TTC19: variants seen among roughly 807,000 people sequenced by gnomAD.
TTC19 encodes tetratricopeptide repeat domain 19, also known as tetratricopeptide repeat protein 19, mitochondrial.
Under a neutral mutation model 49.5 loss-of-function variants are expected in TTC19, and 38 were observed. The observed-to-expected ratio is 0.77, with a 90% CI of 0.59 to 1.01. The LOEUF (loss-of-function observed/expected upper bound fraction) is 1.01, where lower values mean the gene tolerates loss of function less well. Among genes scored for constraint, TTC19 ranks in the 50% least tolerant of loss-of-function variants. TTC19 has a pLI of 0.00. For synonymous variants in TTC19, 204 were observed against 185.2 expected, an observed-to-expected ratio of 1.10 and a Z score of -0.83; for missense variants, 475 against 477.7, an observed-to-expected ratio of 0.99 and a Z score of 0.05.
chr17:16,018,545 C>T (rs932466717), intron 7 of TTC19, among the ~76,000 whole-genome samples: 1 of 152,086 alleles, frequency 6.6e-6, no homozygotes, highest in African/African-American at 2.4e-5. Context: ...CTCACTGTGT[C>T]GCCCAGGCTG....
chr17:16,022,094 G>A (rs1038305324), intron 7 of TTC19, among the ~76,000 whole-genome samples: 3 of 147,296 alleles, frequency 2.0e-5, no homozygotes, highest in African/African-American at 8.1e-5. Context: ...CTGGGGTTGT[G>A]GTCCTAATGG....
intron 7 of TTC19, among the ~76,000 whole-genome samples, chr17:16,022,510 A>G (rs1189805416): frequency 1.3e-5 from 2 of 152,198 alleles, no homozygotes; most frequent in Admixed American, 6.5e-5. Flanking sequence ...TCTAGTTTCA[A>G]AGACCCTTGT....
rs59177775 is a variant in TTC19 at position 16,028,818 on chromosome 17, CAAAAAAAAA to C, written c.*1316_*1324del. On this transcript the variant is annotated 3_prime_UTR_variant, in exon 10 of 10. Coordinates refer to ENST00000261647, the MANE Select transcript of TTC19 (RefSeq NM_017775.4). ...GTATCCCAGTAATCTTTGCATTTCT[CAAAAAAAAA>C]AAAAAAAAAAAAAAAAAAACTTTCT... is the stretch of plus-strand genomic sequence containing the variant. 697 of 98,852 alleles carry C rather than the reference CAAAAAAAAA, an allele frequency of 7.1e-3. No homozygotes were observed. The highest frequency in any genetic ancestry group is 0.013 in the Middle Eastern group (3 of 230). The allele number at this position is 98,852 out of a possible 1,614,324, so 6.1% of individuals were successfully genotyped here. A position where few individuals can be genotyped will look rare whatever the true frequency, so the allele number is the denominator to read the frequency against.
chr17:16,038,771 C>G (rs8080221), intron 2 of TTC19, among the ~76,000 whole-genome samples: 96,754 of 151,716 alleles, frequency 0.64, 32,320 homozygotes, highest in African/African-American at 0.84. Flanking sequence ...TTGTGTGTGT[C>G]TGTGTATGTA....
chr17:16,002,760 TAAACTG>T, intron 3 of TTC19, 27 bp from the exon 4 acceptor site: 1 of 1,610,254 alleles, frequency 6.2e-7, no homozygotes, highest in Non-Finnish European at 8.5e-7. Context: ...CACAGTATTC[TAAACTG>T]AAAAACAATT....
At chr17:16,022,075 A>G (rs1475049765) in intron 7 of TTC19, among the ~76,000 whole-genome samples, 1 of 131,180 alleles carries the variant, frequency 7.6e-6, no homozygotes, top group South Asian at 2.4e-4. Flanking sequence ...TTTCACATAC[A>G]TGCTTTTCCT....
rs930735706 is a variant in TTC19, at chr17:16,027,806, G to A, written c.*284G>A. 1 of 517,446 alleles carries A rather than the reference G, an allele frequency of 1.9e-6. No individual in the cohort carries two copies. The highest frequency in any genetic ancestry group is 4.7e-5 in the East Asian group (1 of 21,276). 32.1% of individuals were successfully genotyped at this position (517,446 alleles called of 1,614,324 possible). On this transcript the variant is annotated 3_prime_UTR_variant, in exon 10 of 10. Coordinates refer to ENST00000261647, the MANE Select transcript of TTC19 (RefSeq NM_017775.4). ...TGTCCCTGCTGGTCTAAGTAGAACT[G>A]TAGATTCATATGGGCTGGTGTTCCT...
At chr17:16,022,229 TCA>T (rs1476174480) in intron 7 of TTC19, among the ~76,000 whole-genome samples, 5 of 152,230 alleles carry the variant, frequency 3.3e-5, no homozygotes, top group Admixed American at 6.5e-5. Flanking sequence ...CTGTGTCAAC[TCA>T]CAGACTCTCC....
chr17:16,000,435 G>T, intron 2 of TTC19, 190 bp downstream of exon 2: 1 of 1,440,574 alleles, frequency 6.9e-7, no homozygotes, highest in Non-Finnish European at 9.1e-7. Context: ...CGACTCTAAG[G>T]CCTGCAGTAA....
chr17:16,021,498 T>C (rs1417077106), intron 7 of TTC19, among the ~76,000 whole-genome samples: 1 of 152,222 alleles, frequency 6.6e-6, no homozygotes, highest in Non-Finnish European at 1.5e-5. Context: ...CAAAGTGCTA[T>C]GTAGATATTT....
chr17:16,032,398 C>T (rs571237971), downstream of TTC19: 15 of 1,614,098 alleles, frequency 9.3e-6, no homozygotes, highest in South Asian at 6.6e-5. Context: ...CTTGGTTCAC[C>T]GCAGAGGGAG....
At position 16,028,921 on chromosome 17, in the gene TTC19, G is replaced by T. The variant is rs1291604692; in HGVS notation, c.*1399G>T. ...GGGATTAGACTAAAACTAGAGTTTT[G>T]TATGTTGCAGATGTAAATTTCTTCC... On this transcript the variant is annotated 3_prime_UTR_variant, in exon 10 of 10. Coordinates refer to ENST00000261647, the MANE Select transcript of TTC19 (RefSeq NM_017775.4). The T allele has an allele frequency of 2.4e-6, 1 of 417,978 alleles. No individual in the cohort carries two copies. The highest frequency in any genetic ancestry group is 2.9e-5 in the Admixed American group (1 of 34,222). The allele number at this position is 417,978 out of a possible 1,614,324, so 25.9% of individuals were successfully genotyped here.
rs1400025980 is a variant in TTC19 at position 16,029,016 on chromosome 17, T to C, written c.*1494T>C. ...GTTTACCAAGTCTAGCTCAGAGAGA[T>C]AAGATACAATATAAATCAGACTGTT... On this transcript the variant is annotated 3_prime_UTR_variant, in exon 10 of 10. Transcript: ENST00000261647. 2.2e-6 allele frequency: 1 copy of C among 444,610 alleles called. No individual in the cohort carries two copies. The highest frequency in any genetic ancestry group is 4.5e-6 in the Non-Finnish European group (1 of 223,814). 27.5% of individuals were successfully genotyped at this position (444,610 alleles called of 1,614,324 possible).
At chr17:16,008,874 T>A (rs1018574175) in intron 7 of TTC19, among the ~76,000 whole-genome samples, 1 of 152,166 alleles carries the variant, frequency 6.6e-6, no homozygotes, top group Non-Finnish European at 1.5e-5. Flanking sequence ...ATTGCTCTAC[T>A]CCTCTTTCCT....
In TTC19 at chr17:16,022,030, GT is replaced by G. The variant is rs571596426; in HGVS notation, c.677-2985del. Among the ~76,000 whole-genome samples the G allele has an allele frequency of 9.2e-5, 14 of 152,232 alleles. No homozygotes were observed. The East Asian group carries it at 2.7e-3, about 29-fold the overall frequency. The stretch of plus-strand genomic sequence containing the variant: ...GTCTCCCTGTGCCTGTGGTCGGGGG[GT>G]TAAGGGGAGTGTAGGCTGGAGTGGT... On this transcript the variant is annotated intron_variant, in intron 7 of 9. Coordinates refer to ENST00000261647, the MANE Select transcript of TTC19 (RefSeq NM_017775.4).
chr17:16,044,823 C>A, exon 3 of TTC19: 1 of 1,083,674 alleles, frequency 9.2e-7, no homozygotes, highest in Non-Finnish European at 1.4e-6. Context: ...GCTGGTGGAC[C>A]TGCTCCAGCA....
chr17:16,014,026 C>G (rs1971147031), intron 7 of TTC19, among the ~76,000 whole-genome samples: 1 of 152,198 alleles, frequency 6.6e-6, no homozygotes, highest in South Asian at 2.1e-4. Flanking sequence ...GGAACAGGCT[C>G]TTTCCATCCT....
intron 7 of TTC19, among the ~76,000 whole-genome samples, chr17:16,020,268 CTATG>C (rs1381351397): frequency 1.3e-5 from 2 of 152,150 alleles, no homozygotes; most frequent in Non-Finnish European, 2.9e-5. Context: ...TGTGGCTTCA[CTATG>C]TGTTTCTGAT....
intron 2 of TTC19, among the ~76,000 whole-genome samples, chr17:16,037,290 A>G (rs897801505): frequency 6.6e-6 from 1 of 152,220 alleles, no homozygotes; most frequent in Admixed American, 6.5e-5. Context: ...AATAATCATG[A>G]ACAAGTTTGA....
Sources: allele counts gnomAD v4.1 joint callset (sites outside exome capture counted in the v4.1 genomes callset), GRCh38; gene constraint gnomAD v4.1.1; transcripts MANE v1.5; gene names NCBI Gene and HGNC (gene_info 2026-07-23, HGNC 2026-07-21).